TWIST2: variants seen among roughly 807,000 people sequenced by gnomAD.
TWIST2 encodes twist-related protein 2.
A neutral mutation model predicts 11.6 loss-of-function variants in TWIST2; 1 was observed. The ratio of observed to expected loss-of-function variants is 0.09; its 90% CI spans 0.03 to 0.41. The LOEUF is 0.41. Ranked by LOEUF, TWIST2 falls within the 10% of genes least tolerant of loss-of-function variation. The pLI, the probability that TWIST2 is intolerant of heterozygous loss-of-function variation, is 0.98. For synonymous variants in TWIST2, 87 were observed against 96.6 expected (o/e 0.90, Z 0.58); for missense variants, 168 against 226.4 (o/e 0.74, Z 1.66).
intron 1 of TWIST2, among the ~76,000 whole-genome samples, chr2:238,871,908 G>A (rs1316265150): frequency 2.0e-5 from 3 of 152,158 alleles, no homozygotes; most frequent in South Asian, 2.1e-4. Context: ...AGTGGGAAGT[G>A]CGTGTTTAGT....
intron 1 of TWIST2, among the ~76,000 whole-genome samples, chr2:238,902,526 GGT>G (rs1491140380): frequency 0.4 from 58,854 of 148,492 alleles, 11,768 homozygotes; most frequent in Middle Eastern, 0.48. Flanking sequence ...TGTAGTATGG[GGT>G]GTGTGTGTGG....
intron 1 of TWIST2, among the ~76,000 whole-genome samples, chr2:238,869,055 A>G (rs1692598139): frequency 6.6e-6 from 1 of 152,234 alleles, no homozygotes; most frequent in Non-Finnish European, 1.5e-5. Flanking sequence ...AATGCTTGGC[A>G]GTTTAAGTGG....
intron 1 of TWIST2, among the ~76,000 whole-genome samples, chr2:238,905,651 C>T (rs1693330735): frequency 6.6e-6 from 1 of 152,152 alleles, no homozygotes; most frequent in African/African-American, 2.4e-5. Flanking sequence ...TGGTTCAGCT[C>T]ATATATCAAA....
chr2:238,896,030 G>T (rs1482042992), intron 1 of TWIST2, among the ~76,000 whole-genome samples: 1 of 152,168 alleles, frequency 6.6e-6, no homozygotes, highest in Non-Finnish European at 1.5e-5. Flanking sequence ...GCCAGGCCAG[G>T]CCAATAGCCA....
rs1483725841 is a variant in TWIST2 at position 238,866,074 on chromosome 2, AC to A, written c.*35+17345del. Among the ~76,000 whole-genome samples, 3 of 152,090 alleles carry A rather than the reference AC, an allele frequency of 2.0e-5. No homozygotes were observed. The highest frequency in any genetic ancestry group is 2.0e-4 in the Admixed American group (3 of 15,274). On this transcript the variant is annotated intron_variant, in intron 1 of 1. Coordinates refer to ENST00000612363, the MANE Select transcript of TWIST2 (RefSeq NM_001271893.4). The surrounding 1 kb of genome is among the most constrained non-coding windows in gnomAD (Gnocchi z 4.9). ...GTTAATGGAATAGCATGGACGATGC[AC>A]CCCACACTGCATCTGGTGTTACTGG...
At position 238,896,527 on chromosome 2, in the gene TWIST2, A is replaced by AAT. The variant is rs1435416567; in HGVS notation, c.*36-13312_*36-13311dup. 2.3e-4 allele frequency among the ~76,000 whole-genome samples: 35 copies of AAT among 152,272 alleles called. 1 individual carries two copies. The highest frequency in any genetic ancestry group is 4.3e-4 in the Non-Finnish European group (29 of 68,018). On this transcript the variant is annotated intron_variant, in intron 1 of 1. Coordinates refer to ENST00000612363, the MANE Select transcript of TWIST2 (RefSeq NM_001271893.4). Reference sequence around the variant, plus strand: ...ATCCCAAGTCACCAGCTGGCTCCCTAATATCAGGCTGCCACCTGAACACGT... The same window carrying AAT: ...ATCCCAAGTCACCAGCTGGCTCCCTAATATATCAGGCTGCCACCTGAACACGT...
chr2:238,889,676 C>G (rs1452935124), intron 1 of TWIST2, among the ~76,000 whole-genome samples: 1 of 152,360 alleles, frequency 6.6e-6, no homozygotes, highest in Middle Eastern at 3.4e-3. Context: ...GAATAGTCCT[C>G]TACGGCCCCA....
At position 238,860,540 on chromosome 2, in the gene TWIST2, G is replaced by T. The variant is rs374939733; in HGVS notation, c.*35+11807G>T. 3.9e-5 allele frequency among the ~76,000 whole-genome samples: 6 copies of T among 152,368 alleles called. No individual in the cohort carries two copies. In the East Asian group the frequency reaches 9.6e-4, roughly 24 times the overall value. On this transcript the variant is annotated intron_variant, in intron 1 of 1. Coordinates refer to ENST00000612363, the MANE Select transcript of TWIST2 (RefSeq NM_001271893.4). ...ATAGAAGCCCCAGAGATGGTGTTGGGCTCCAGGATTGTTTGAATTTTCAGA... is the reference window on the plus strand; with the variant it reads ...ATAGAAGCCCCAGAGATGGTGTTGGTCTCCAGGATTGTTTGAATTTTCAGA...
At chr2:238,879,654 G>A (rs562911933) in intron 1 of TWIST2, among the ~76,000 whole-genome samples, 1 of 152,334 alleles carries the variant, frequency 6.6e-6, no homozygotes, top group South Asian at 2.1e-4. Flanking sequence ...TTAGTGGTTA[G>A]CAGGATCCCC....
At chr2:238,909,058 TG>T (rs1238659070) in intron 1 of TWIST2, among the ~76,000 whole-genome samples, 258 of 97,920 alleles carry the variant, frequency 2.6e-3, no homozygotes, top group South Asian at 5.2e-3. Context: ...TATGTGTATG[TG>T]GTGTGTATGT....
At chr2:238,902,426 A>G (rs1693278581) in intron 1 of TWIST2, among the ~76,000 whole-genome samples, 1 of 144,622 alleles carries the variant, frequency 6.9e-6, no homozygotes, top group African/African-American at 2.6e-5. Flanking sequence ...GTGTGATGTG[A>G]TAAGTGTGTG....
intron 1 of TWIST2, among the ~76,000 whole-genome samples, chr2:238,881,695 AT>A (rs1239440880): frequency 1.3e-5 from 2 of 152,098 alleles, no homozygotes; most frequent in African/African-American, 4.8e-5. Context: ...AGCTGTCTGC[AT>A]CCCCATCTCG....
intron 1 of TWIST2, among the ~76,000 whole-genome samples, chr2:238,882,038 GC>G (rs1351009116): frequency 6.6e-6 from 1 of 151,582 alleles, no homozygotes; most frequent in Non-Finnish European, 1.5e-5. Flanking sequence ...CTGTCTGTCT[GC>G]CTGACTCTGT....
At chr2:238,905,940 T>TGCGC (rs1418691872) in intron 1 of TWIST2, among the ~76,000 whole-genome samples, 26 of 107,560 alleles carry the variant, frequency 2.4e-4, no homozygotes, top group Admixed American at 3.9e-4. Context: ...TGCGCGTGTG[T>TGCGC]GTGCGCGCGC....
intron 1 of TWIST2, among the ~76,000 whole-genome samples, chr2:238,901,557 G>A (rs1275700103): frequency 2.6e-5 from 4 of 152,116 alleles, no homozygotes; most frequent in Admixed American, 1.3e-4. Flanking sequence ...AGTGGCCCTC[G>A]GGTCCCTGGG....
intron 1 of TWIST2, among the ~76,000 whole-genome samples, chr2:238,870,116 T>G (rs796202841): frequency 3.3e-5 from 1 of 30,464 alleles, no homozygotes; most frequent in Non-Finnish European, 6.0e-5. Flanking sequence ...AGACACACCA[T>G]ACACCCCCCA....
chr2:238,875,753 C>G (rs956328174), intron 1 of TWIST2, among the ~76,000 whole-genome samples: 2 of 152,226 alleles, frequency 1.3e-5, no homozygotes, highest in African/African-American at 4.8e-5. Context: ...TCATGAGTCT[C>G]TTCGCATTTC....
At chr2:238,870,525 C>CACGCCACA in intron 1 of TWIST2, among the ~76,000 whole-genome samples, 6 of 124,188 alleles carry the variant, frequency 4.8e-5, no homozygotes, top group Non-Finnish European at 6.7e-5. Context: ...CACACACAAA[C>CACGCCACA]CACACACCCT....
intron 1 of TWIST2, among the ~76,000 whole-genome samples, chr2:238,897,315 C>T (rs1258423627): frequency 6.6e-6 from 1 of 152,146 alleles, no homozygotes; most frequent in Non-Finnish European, 1.5e-5. Context: ...CTCCGCGCGC[C>T]CCCCTGCCCC....
Sources: gnomAD v4.1 joint callset for allele counts (sites outside exome capture counted in the v4.1 genomes callset) on GRCh38, gnomAD v4.1.1 for gene constraint, Gnocchi (gnomAD v3.1) non-coding constraint, MANE v1.5 for transcripts, NCBI Gene and HGNC (gene_info 2026-07-23, HGNC 2026-07-21) for gene names.